The following LIMS1 variants were observed in gnomAD, a reference collection of about 807,000 sequenced individuals.
LIMS1 encodes LIM zinc finger domain containing 1.
A neutral mutation model predicts 44.1 loss-of-function variants in LIMS1; 18 were observed. The observed-to-expected ratio is 0.41, with a 90% confidence interval of 0.28 to 0.61. The LOEUF (loss-of-function observed/expected upper bound fraction) is 0.61, where lower values mean the gene tolerates loss of function less well. Ranked by LOEUF, LIMS1 falls within the 20% of genes least tolerant of loss-of-function variation. The probability of loss-of-function intolerance (pLI) is 0.32; values close to 1 mark genes in which losing one functional copy is unlikely to be tolerated. For missense variants in LIMS1, 201 were observed against 422.0 expected (o/e 0.48, Z 4.59); for synonymous variants, 93 against 149.1 (o/e 0.62, Z 2.74).
At chr2:108,686,796 AG>A (rs1693336525) in exon 10 of LIMS1, 1 of 151,820 alleles carries the variant, frequency 6.6e-6, no homozygotes, top group Non-Finnish European at 1.5e-5. Flanking sequence ...AAAAAGTGTA[AG>A]TGGATTAAAA....
intron 1 of LIMS1, among the ~76,000 whole-genome samples, chr2:108,546,039 G>A (rs1181543779): frequency 2.0e-5 from 3 of 152,178 alleles, no homozygotes; most frequent in African/African-American, 4.8e-5. Flanking sequence ...TATGTTGTTA[G>A]CATGTAATCC....
intron 1 of LIMS1, among the ~76,000 whole-genome samples, chr2:108,632,055 T>C (rs1688961686): frequency 6.6e-6 from 1 of 152,178 alleles, no homozygotes. Context: ...CACTGTAACC[T>C]CCACCTCCTG....
intron 1 of LIMS1, among the ~76,000 whole-genome samples, chr2:108,603,495 C>CTT (rs55909729): frequency 0.036 from 3,131 of 88,176 alleles, 163 homozygotes; most frequent in African/African-American, 0.054. Flanking sequence ...TTTTCATCGC[C>CTT]TTTTTTTTTT....
At chr2:108,656,318 T>TAGATAGATAGATAGATAG (rs1558831239) in intron 1 of LIMS1, among the ~76,000 whole-genome samples, 1 of 84,256 alleles carries the variant, frequency 1.2e-5, no homozygotes, top group African/African-American at 3.5e-5. Context: ...TCTATCTATC[T>TAGATAGATAGATAGATAG]ATAGATAGAT....
intron 1 of LIMS1, among the ~76,000 whole-genome samples, chr2:108,584,778 G>A (rs1248439634): frequency 6.6e-6 from 1 of 152,128 alleles, no homozygotes; most frequent in African/African-American, 2.4e-5. Context: ...GAGGGCCTGT[G>A]TGGTATGTGT....
intron 1 of LIMS1, among the ~76,000 whole-genome samples, chr2:108,576,421 G>C (rs1685671772): frequency 6.6e-6 from 1 of 152,054 alleles, no homozygotes; most frequent in African/African-American, 2.4e-5. Flanking sequence ...TTCTTTTTGA[G>C]ATGGAGTCTC....
chr2:108,610,950 G>A (rs1687566039), intron 1 of LIMS1, among the ~76,000 whole-genome samples: 1 of 152,136 alleles, frequency 6.6e-6, no homozygotes, highest in African/African-American at 2.4e-5. Flanking sequence ...TTCCCCTCTT[G>A]TCAGCACCTT....
rs1302208659 is a variant in LIMS1, at chr2:108,646,964, G to A, written c.33-12641G>A. Among the ~76,000 whole-genome samples, 14 of 152,068 alleles carry A rather than the reference G, an allele frequency of 9.2e-5. 1 individual carries two copies. Among genetic ancestry groups the A allele is most frequent in the African/African-American group, 2.9e-4 (12 of 41,380 alleles). ...TCTCGATCTCCTGATCTCGTGATCCGCCCGCCTCGGCCTCCCAAAGTGCTG... is the reference window on the plus strand; with the variant it reads ...TCTCGATCTCCTGATCTCGTGATCCACCCGCCTCGGCCTCCCAAAGTGCTG... On this transcript the variant is annotated intron_variant, in intron 1 of 9. Coordinates refer to ENST00000544547, the Ensembl canonical transcript of LIMS1.
chr2:108,670,765 G>C lies in LIMS1; in HGVS notation c.193-16G>C. On this transcript the variant is annotated splice_polypyrimidine_tract_variant and intron_variant, in intron 2 of 9. Transcript: ENST00000544547. ...ATTGTTTCGTGTTTGTAAGTTGGTG[G>C]TACCCTCTCTTTCAGTTTGAAGGAA... The C allele has an allele frequency of 6.2e-7, 1 of 1,611,818 alleles. No individual in the cohort carries two copies. The highest frequency in any genetic ancestry group is 8.5e-7 in the Non-Finnish European group (1 of 1,179,822).
intron 1 of LIMS1, among the ~76,000 whole-genome samples, chr2:108,642,214 C>G (rs957694798): frequency 6.6e-6 from 1 of 151,876 alleles, no homozygotes; most frequent in African/African-American, 2.4e-5. Flanking sequence ...TATTGGAGTC[C>G]TGTATTTTAG....
intron 1 of LIMS1, among the ~76,000 whole-genome samples, chr2:108,580,326 A>C (rs2718722): frequency 6.6e-6 from 1 of 151,986 alleles, no homozygotes; most frequent in African/African-American, 2.4e-5. Context: ...TCAAGTCCAT[A>C]GTCCAAATGG....
At chr2:108,544,862 C>A (rs1044939447) in intron 1 of LIMS1, among the ~76,000 whole-genome samples, 2 of 152,110 alleles carry the variant, frequency 1.3e-5, no homozygotes, top group African/African-American at 4.8e-5. Context: ...CTCTTCTCTC[C>A]CCTGTGTCAT....
rs1002034248 is a variant in LIMS1 at position 108,588,272 on chromosome 2, A to G, written c.32+53678A>G. 195 of 729,290 alleles carry G rather than the reference A, an allele frequency of 2.7e-4. 1 individual carries two copies. The East Asian group carries it at 3.0e-3, about 11-fold the overall frequency. The allele number at this position is 729,290 out of a possible 1,614,324, so 45.2% of individuals were successfully genotyped here. On this transcript the variant is annotated intron_variant, in intron 1 of 9. Coordinates refer to ENST00000544547, the Ensembl canonical transcript of LIMS1. ...TCACATGATTTGACTAAATACAGGA[A>G]AAAAAAAAACCCTGAACTTGGTTTC...
intron 2 of LIMS1, among the ~76,000 whole-genome samples, chr2:108,665,876 A>T (rs1273528462): frequency 2.6e-5 from 4 of 152,234 alleles, no homozygotes; most frequent in Non-Finnish European, 5.9e-5. Flanking sequence ...TAATTTCAGA[A>T]GAATTTATCC....
chr2:108,544,466 T>A (rs1315618422), intron 1 of LIMS1, among the ~76,000 whole-genome samples: 1 of 152,218 alleles, frequency 6.6e-6, no homozygotes, highest in Non-Finnish European at 1.5e-5. Flanking sequence ...TATGTCTCTG[T>A]GTGTTTCTGC....
At chr2:108,661,752 A>G (rs763216262) in intron 2 of LIMS1, among the ~76,000 whole-genome samples, 27 of 152,266 alleles carry the variant, frequency 1.8e-4, no homozygotes, top group African/African-American at 5.3e-4. Context: ...CCTCGGCACC[A>G]TGGAGGCCTG....
At chr2:108,608,441 G>A (rs567136803) in intron 1 of LIMS1, among the ~76,000 whole-genome samples, 6 of 151,926 alleles carry the variant, frequency 3.9e-5, no homozygotes, top group Admixed American at 3.9e-4. Context: ...GAGTAGCTGG[G>A]ACTATAGGCG....
At chr2:108,604,912 C>CT (rs111238855) in intron 1 of LIMS1, among the ~76,000 whole-genome samples, 26 of 152,302 alleles carry the variant, frequency 1.7e-4, no homozygotes, top group African/African-American at 5.1e-4. Flanking sequence ...CACATAGTTC[C>CT]TTTTTCACTG....
rs114264904 is a variant in LIMS1 at position 108,589,312 on chromosome 2, A to G, written c.32+54718A>G. ...CCAAATCAGGGTAATTAGCCTATCA[A>G]TCATCTCAAATATCACTTTTTCGTG... On this transcript the variant is annotated intron_variant, in intron 1 of 9. Coordinates refer to ENST00000544547, the Ensembl canonical transcript of LIMS1. Among the ~76,000 whole-genome samples the G allele has an allele frequency of 3.7e-3, 562 of 152,330 alleles. 6 individuals are homozygous for G. The highest frequency in any genetic ancestry group is 0.012 in the African/African-American group (518 of 41,576).
Sources: gnomAD v4.1 joint callset for allele counts (sites outside exome capture counted in the v4.1 genomes callset) on GRCh38, gnomAD v4.1.1 for gene constraint, MANE v1.5 for transcripts, NCBI Gene and HGNC (gene_info 2026-07-23, HGNC 2026-07-21) for gene names.